The following ETNK1 variants were observed in gnomAD, a reference collection of about 807,000 sequenced individuals.
ETNK1 encodes the protein ethanolamine kinase 1.
Under a neutral mutation model 45.1 loss-of-function variants are expected in ETNK1, and 8 were observed. The ratio of observed to expected loss-of-function variants is 0.18; its 90% confidence interval spans 0.10 to 0.32. ETNK1 has a LOEUF of 0.32. Ranked by LOEUF, ETNK1 falls within the 10% of genes least tolerant of loss-of-function variation. ETNK1 has a pLI of 1.00. For synonymous variants in ETNK1, 152 were observed against 151.9 expected, an observed-to-expected ratio of 1.00 and a Z score of -0.01; for missense variants, 302 against 430.6, an observed-to-expected ratio of 0.70 and a Z score of 2.64.
chr12:22,683,722 G>C (rs1318978465), intron 6 of ETNK1, among the ~76,000 whole-genome samples: 1 of 151,964 alleles, frequency 6.6e-6, no homozygotes, highest in African/African-American at 2.4e-5. Flanking sequence ...TTTTGTTAGA[G>C]CCCCTTTGTT....
intron 1 of ETNK1, among the ~76,000 whole-genome samples, chr12:22,637,266 C>T (rs1272559111): frequency 6.6e-6 from 1 of 152,182 alleles, no homozygotes; most frequent in African/African-American, 2.4e-5. Flanking sequence ...TCACTGTTCT[C>T]TCTAAAGTCC....
At chr12:22,658,111 T>C (rs1953962280) in intron 2 of ETNK1, among the ~76,000 whole-genome samples, 1 of 151,090 alleles carries the variant, frequency 6.6e-6, no homozygotes, top group Non-Finnish European at 1.5e-5. Context: ...TGAAGTTCCT[T>C]AGGAAAATCA....
intron 2 of ETNK1, among the ~76,000 whole-genome samples, chr12:22,658,366 T>G (rs57191875): frequency 0.047 from 7,125 of 152,254 alleles, 545 homozygotes; most frequent in African/African-American, 0.16. Context: ...AGCTTCAGTG[T>G]ATGTTCAGTG....
chr12:22,629,570 G>T (rs1307558332), intron 1 of ETNK1, among the ~76,000 whole-genome samples: 10 of 152,042 alleles, frequency 6.6e-5, no homozygotes, highest in Non-Finnish European at 1.5e-4. Context: ...AAAGGAAGAA[G>T]AAAAAGCCAG....
chr12:22,686,662 A>T lies in ETNK1; in HGVS notation c.*1708A>T, dbSNP rs974597640. Reference sequence around the variant, plus strand: ...TACCTCCCCAATGTTATAAATGTTCACTTTTGTTTTTATAAACCATATTAC... The same window carrying T: ...TACCTCCCCAATGTTATAAATGTTCTCTTTTGTTTTTATAAACCATATTAC... On this transcript the variant is annotated 3_prime_UTR_variant, in exon 8 of 8. Coordinates refer to ENST00000266517, the MANE Select transcript of ETNK1 (RefSeq NM_018638.5). The T allele has an allele frequency of 6.6e-6, 1 of 152,194 alleles. No individual in the cohort carries two copies. 9.4% of individuals were successfully genotyped at this position (152,194 alleles called of 1,614,324 possible).
intron 4 of ETNK1, 76 bp from the exon 5 acceptor site, chr12:22,671,192 CTATT>C: frequency 2.1e-6 from 2 of 963,228 alleles, no homozygotes; most frequent in Admixed American, 1.7e-5. Context: ...ATATTGGAAG[CTATT>C]TAATTACAAA....
rs1336090323 is a variant in ETNK1, at chr12:22,685,615, T to C, written c.*661T>C. On this transcript the variant is annotated 3_prime_UTR_variant, in exon 8 of 8. Transcript: ENST00000266517. Reference sequence around the variant, plus strand: ...ATTAAATCCCTGTTTCTCTATGTAGTCTGGCAGTATAAATATAAATATTTA... The same window carrying C: ...ATTAAATCCCTGTTTCTCTATGTAGCCTGGCAGTATAAATATAAATATTTA... 2 of 151,872 alleles carry C rather than the reference T, an allele frequency of 1.3e-5. No individual in the cohort carries two copies. Among genetic ancestry groups the C allele is most frequent in the Non-Finnish European group, 3.0e-5 (2 of 67,778 alleles). 9.4% of individuals were successfully genotyped at this position (151,872 alleles called of 1,614,324 possible). A position where few individuals can be genotyped will look rare whatever the true frequency, so the allele number is the denominator to read the frequency against.
intron 1 of ETNK1, among the ~76,000 whole-genome samples, chr12:22,643,370 GATTCCCTGTATGTGTAC>G (rs1024327555): frequency 2.0e-5 from 3 of 152,076 alleles, no homozygotes; most frequent in East Asian, 1.9e-4. Flanking sequence ...ACATAGGAGA[GATTCCCTGTATGTGTAC>G]ATTCCCTGTA....
intron 6 of ETNK1, among the ~76,000 whole-genome samples, chr12:22,678,934 G>T (rs778713083): frequency 1.3e-4 from 20 of 152,206 alleles, no homozygotes; most frequent in Non-Finnish European, 2.5e-4. Flanking sequence ...CACTAGTTAA[G>T]GTCAGTTACT....
In ETNK1 at chr12:22,674,554, G is replaced by A. The variant is rs183161706; in HGVS notation, c.945+894G>A. Among the ~76,000 whole-genome samples the A allele has an allele frequency of 1.2e-3, 181 of 152,276 alleles. 1 individual carries two copies. The highest frequency in any genetic ancestry group is 4.2e-3 in the African/African-American group (173 of 41,558). On this transcript the variant is annotated intron_variant, in intron 6 of 7. Transcript: ENST00000266517. The stretch of plus-strand genomic sequence containing the variant: ...CAGTTACTGGTTCAATTAATGACAT[G>A]CTCTACAGCTGGTCCTAGGATGCCT...
intron 2 of ETNK1, among the ~76,000 whole-genome samples, chr12:22,657,446 G>A (rs1302772747): frequency 1.3e-5 from 2 of 151,948 alleles, no homozygotes; most frequent in Non-Finnish European, 1.5e-5. Flanking sequence ...CAAACATGGG[G>A]TAAATCCAGG....
rs1953769396 is a variant in ETNK1 at position 22,643,744 on chromosome 12, T to TA, written c.157-11dup. ...AGATAATTGCTTTTTTTCCCATTTT[T>TA]AAAAAAAATTTTTGGCAGCTCTTCA... On this transcript the variant is annotated intron_variant, in intron 1 of 7. Transcript: ENST00000266517. 13 of 1,568,748 alleles carry TA rather than the reference T, an allele frequency of 8.3e-6. No homozygotes were observed. Among genetic ancestry groups the TA allele is most frequent in the South Asian group, 1.2e-5 (1 of 85,400 alleles).
intron 6 of ETNK1, among the ~76,000 whole-genome samples, chr12:22,683,015 A>G (rs1284599761): frequency 1.3e-5 from 2 of 152,206 alleles, no homozygotes; most frequent in Non-Finnish European, 1.5e-5. Context: ...TTCTGGTTTC[A>G]TATAGTAAGA....
intron 1 of ETNK1, among the ~76,000 whole-genome samples, chr12:22,640,838 T>G (rs943211049): frequency 1.3e-5 from 2 of 152,194 alleles, no homozygotes; most frequent in African/African-American, 2.4e-5. Context: ...TACTACTATC[T>G]GAAATACTTG....
rs1462377604 is a variant in ETNK1, at chr12:22,685,159, G to A, written c.*205G>A. Reference sequence around the variant, plus strand: ...TACCTACTGCTATCCGTATGTGGTGGATTAGAAATGTGTTAAATCTGCAAA... The same window carrying A: ...TACCTACTGCTATCCGTATGTGGTGAATTAGAAATGTGTTAAATCTGCAAA... On this transcript the variant is annotated 3_prime_UTR_variant, in exon 8 of 8. Coordinates refer to ENST00000266517, the MANE Select transcript of ETNK1 (RefSeq NM_018638.5). The A allele has an allele frequency of 1.6e-5, 7 of 429,766 alleles. No homozygotes were observed. The highest frequency in any genetic ancestry group is 2.9e-5 in the Non-Finnish European group (7 of 240,946). 26.6% of individuals were successfully genotyped at this position (429,766 alleles called of 1,614,324 possible). A position where few individuals can be genotyped will look rare whatever the true frequency, so the allele number is the denominator to read the frequency against.
intron 3 of ETNK1, among the ~76,000 whole-genome samples, chr12:22,659,875 G>C (rs1302151738): frequency 6.6e-6 from 1 of 151,836 alleles, no homozygotes. Context: ...GTAAATAATA[G>C]GAAGAAAACC....
chr12:22,684,498 T>G lies in ETNK1; in HGVS notation c.961T>G (p.Trp321Gly). The G allele has an allele frequency of 6.2e-7, 1 of 1,609,744 alleles. No individual in the cohort carries two copies. The highest frequency in any genetic ancestry group is 8.5e-7 in the Non-Finnish European group (1 of 1,178,076). Residue 321 changes from tryptophan (W) to glycine (G), a missense_variant, in exon 7 of 8, where the codon TGG (tryptophan) becomes GGG (glycine). By Grantham distance (184) the Trp-to-Gly change is radical. This residue lies in a region of ETNK1 where 94 missense variants were observed against 152.9 expected (regional missense o/e 0.61). Coordinates refer to ENST00000266517, the MANE Select transcript of ETNK1 (RefSeq NM_018638.5). ...NQFALASHFFWGLWALIQAKY... is the reference protein window; with the variant it reads ...NQFALASHFFGGLWALIQAKY... ...TTCTTTTAAGGCTTCTCATTTCTTT[T>G]GGGGATTGTGGGCTTTGATTCAAGC...
intron 4 of ETNK1, among the ~76,000 whole-genome samples, chr12:22,663,090 C>G (rs1187186044): frequency 6.6e-6 from 1 of 152,168 alleles, no homozygotes; most frequent in Non-Finnish European, 1.5e-5. Flanking sequence ...AAATTTCGAG[C>G]ATACCCTAAA....
Position 22,625,226 on chromosome 12 carries a change from G to C in ETNK1, c.-205G>C, listed in dbSNP as rs1195762117. 2 of 1,611,532 alleles carry C rather than the reference G, an allele frequency of 1.2e-6. No individual in the cohort carries two copies. Among genetic ancestry groups the C allele is most frequent in the Admixed American group, 1.7e-5 (1 of 59,948 alleles). On this transcript the variant is annotated 5_prime_UTR_variant, in exon 1 of 8. Coordinates refer to ENST00000266517, the MANE Select transcript of ETNK1 (RefSeq NM_018638.5). ...GGAATTTTCTCCGAGAGCGGGCCGG[G>C]CTCAGTTCAGCTGCTGTCCAGACCC...
Sources: gnomAD v4.1 joint callset for allele counts (sites outside exome capture counted in the v4.1 genomes callset) on GRCh38, gnomAD v4.1.1 for gene constraint, gnomAD v4.1.1 regional missense constraint, MANE v1.5 for transcripts, NCBI Gene and HGNC (gene_info 2026-07-23, HGNC 2026-07-21) for gene names.